CCDC15: variants seen among roughly 807,000 people sequenced by gnomAD.
The protein encoded by CCDC15 is coiled-coil domain-containing protein 15.
CCDC15 carries 105 observed loss-of-function variants against 114.5 expected under a neutral mutation model. The observed-to-expected ratio is 0.92, with a 90% CI of 0.78 to 1.08. CCDC15 has a LOEUF of 1.08. Ranked by LOEUF, CCDC15 falls within the 50% of genes least tolerant of loss-of-function variation. The pLI is 0.00. For missense variants in CCDC15, 1,105 were observed against 1,093.6 expected (o/e 1.01, Z -0.15); for synonymous variants, 334 against 377.8 (o/e 0.88, Z 1.34).
In CCDC15 at chr11:125,040,607, C is replaced by T; in HGVS notation, c.2752C>T (p.His918Tyr). 3 of 1,609,804 alleles carry T rather than the reference C, an allele frequency of 1.9e-6. No individual in the cohort carries two copies. The highest frequency in any genetic ancestry group is 2.5e-6 in the Non-Finnish European group (3 of 1,177,748). Residue 918 changes from histidine (H) to tyrosine (Y), a missense_variant, in exon 16 of 16, where the codon CAT becomes TAT. His to Tyr is a moderately conservative substitution (Grantham distance 83). Coordinates refer to ENST00000344762, the MANE Select transcript of CCDC15 (RefSeq NM_025004.3). ...KNHRAYTRAL[H>Y]SFINSCDVPG... ...TTTTGCAGCATATACTCGGGCACTA[C>T]ATTCATTCATCAATTCCTGTGATGT...
chr11:125,037,170 T>G (rs888031924), intron 13 of CCDC15, among the ~76,000 whole-genome samples: 3 of 151,632 alleles, frequency 2.0e-5, no homozygotes, highest in African/African-American at 7.3e-5. Flanking sequence ...TGGTATACAG[T>G]CAAGTTCATT....
Position 124,960,053 on chromosome 11 carries a change from C to T in CCDC15, c.516+50C>T, listed in dbSNP as rs1007035879. The stretch of plus-strand genomic sequence containing the variant: ...ATGTCTATGATATTTTCCCTATCCC[C>T]TAAACTATAAATATGACATCTAGGG... On this transcript the variant is annotated intron_variant, in intron 4 of 15. Coordinates refer to ENST00000344762, the MANE Select transcript of CCDC15 (RefSeq NM_025004.3). 5.7e-6 allele frequency: 8 copies of T among 1,405,608 alleles called. No individual in the cohort carries two copies. In the East Asian group the frequency reaches 7.5e-5, roughly 13 times the overall value. The allele number at this position is 1,405,608 out of a possible 1,614,324, so 87.1% of individuals were successfully genotyped here. A position where few individuals can be genotyped will look rare whatever the true frequency, so the allele number is the denominator to read the frequency against.
intron 8 of CCDC15, among the ~76,000 whole-genome samples, chr11:124,989,504 C>A (rs113138674): frequency 2.0e-5 from 3 of 152,226 alleles, no homozygotes; most frequent in Admixed American, 2.0e-4. Flanking sequence ...AGAGAGTCAG[C>A]CTGTCCTTTG....
At chr11:124,985,651 G>A (rs1019324311) in intron 6 of CCDC15, among the ~76,000 whole-genome samples, 1 of 151,566 alleles carries the variant, frequency 6.6e-6, no homozygotes, top group East Asian at 1.9e-4. Context: ...TGTCATGCAT[G>A]TGCTTTACCC....
chr11:125,030,045 C>T (rs553497152), intron 13 of CCDC15, among the ~76,000 whole-genome samples: 7 of 152,254 alleles, frequency 4.6e-5, no homozygotes, highest in Non-Finnish European at 8.8e-5. Context: ...TATTGTGCCT[C>T]CTGGTGGCAG....
chr11:125,035,509 A>G lies in CCDC15; in HGVS notation c.2412-2922A>G, dbSNP rs950771568. ...TTTCTTGCAGGCAAGGAATTGTTGG[A>G]TCTTATTTTGTAACCTATTCAGCCA... On this transcript the variant is annotated intron_variant, in intron 13 of 15. Coordinates refer to ENST00000344762, the MANE Select transcript of CCDC15 (RefSeq NM_025004.3). Among the ~76,000 whole-genome samples, 14 of 150,766 alleles carry G rather than the reference A, an allele frequency of 9.3e-5. 1 individual carries two copies. Among genetic ancestry groups the G allele is most frequent in the African/African-American group, 2.9e-4 (12 of 41,234 alleles).
At chr11:124,963,512 G>A (rs974372153) in intron 4 of CCDC15, among the ~76,000 whole-genome samples, 1 of 152,166 alleles carries the variant, frequency 6.6e-6, no homozygotes, top group African/African-American at 2.4e-5. Context: ...TTGTAAATTT[G>A]TGTAAGTTCT....
intron 13 of CCDC15, among the ~76,000 whole-genome samples, chr11:125,010,561 A>G (rs1288974407): frequency 6.6e-6 from 1 of 152,046 alleles, no homozygotes; most frequent in East Asian, 1.9e-4. Flanking sequence ...GGGTTTCACC[A>G]TGTGGGCCAG....
intron 13 of CCDC15, among the ~76,000 whole-genome samples, chr11:125,021,356 T>A (rs1475368448): frequency 6.6e-6 from 1 of 151,904 alleles, no homozygotes; most frequent in Non-Finnish European, 1.5e-5. Context: ...CTCAACCTTT[T>A]CTTCATTATT....
rs573149840 is a variant in CCDC15, at chr11:125,038,577, A to C, written c.2558A>C (p.Lys853Thr). ...CAAGAAATAAAAGGAACCAGAGAAA[A>C]ACAACAGAGAGAAAAAGAATACCTG... ...QLQEIKGTREKQQREKEYLRY... is the reference protein window; with the variant it reads ...QLQEIKGTRETQQREKEYLRY... Residue 853 changes from lysine (K) to threonine (T), a missense_variant, in exon 14 of 16, where the codon AAA becomes ACA. By Grantham distance (78) the Lys-to-Thr change is moderately conservative. Transcript: ENST00000344762. 5.1e-6 allele frequency: 8 copies of C among 1,571,622 alleles called. No individual in the cohort carries two copies. In the South Asian group the frequency reaches 9.6e-5, roughly 19 times the overall value.
intron 13 of CCDC15, among the ~76,000 whole-genome samples, chr11:125,033,400 C>G (rs538739494): frequency 6.6e-6 from 1 of 152,292 alleles, no homozygotes; most frequent in African/African-American, 2.4e-5. Context: ...GCCCTGCCAT[C>G]TCGGGATCCA....
At chr11:124,964,589 G>A (rs550398905) in intron 4 of CCDC15, among the ~76,000 whole-genome samples, 200 of 152,270 alleles carry the variant, frequency 1.3e-3, no homozygotes, top group African/African-American at 4.6e-3. Context: ...TCTGCAAACA[G>A]GGACAATTTG....
At position 124,959,348 on chromosome 11, in the gene CCDC15, C is replaced by T. The variant is rs1225261910; in HGVS notation, c.327+84C>T. ...AAGCTATTAGGCAGTAACAGAATTG[C>T]TTTCCTTTGATTACATGCCTAATAT... On this transcript the variant is annotated intron_variant, in intron 3 of 15. Transcript: ENST00000344762. 4.2e-6 allele frequency: 5 copies of T among 1,194,922 alleles called. No individual in the cohort carries two copies. In the East Asian group the frequency reaches 1.4e-4, roughly 33 times the overall value. The allele number at this position is 1,194,922 out of a possible 1,614,324, so 74.0% of individuals were successfully genotyped here.
At chr11:124,971,109 T>G (rs1319523859) in intron 4 of CCDC15, among the ~76,000 whole-genome samples, 1 of 152,162 alleles carries the variant, frequency 6.6e-6, no homozygotes, top group Admixed American at 6.5e-5. Flanking sequence ...GCAGTATTCC[T>G]TAGAAGGCAC....
At chr11:125,010,023 G>A (rs1948579125) in intron 13 of CCDC15, among the ~76,000 whole-genome samples, 1 of 152,124 alleles carries the variant, frequency 6.6e-6, no homozygotes, top group South Asian at 2.1e-4. Context: ...GGGATTGCTA[G>A]GTCAAATGGT....
intron 4 of CCDC15, among the ~76,000 whole-genome samples, chr11:124,967,086 A>G (rs113266252): frequency 0.053 from 8,064 of 151,910 alleles, 242 homozygotes; most frequent in Middle Eastern, 0.082. Context: ...CTTCATTTCA[A>G]CCTTGGTGAA....
rs992270038 is a variant in CCDC15, at chr11:124,992,700, A to G, written c.2139+13A>G. The G allele has an allele frequency of 1.4e-6, 2 of 1,404,004 alleles. No homozygotes were observed. Among genetic ancestry groups the G allele is most frequent in the Non-Finnish European group, 2.0e-6 (2 of 1,005,542 alleles). The allele number at this position is 1,404,004 out of a possible 1,614,324, so 87.0% of individuals were successfully genotyped here. On this transcript the variant is annotated intron_variant, in intron 10 of 15. Coordinates refer to ENST00000344762, the MANE Select transcript of CCDC15 (RefSeq NM_025004.3). The stretch of plus-strand genomic sequence containing the variant: ...CCCTAGAGAACAGGTAGAACCGAAT[A>G]CAGTAGGAGGACTGTATACCTTCTA...
intron 15 of CCDC15, 74 bp downstream of exon 15, chr11:125,039,143 T>A: frequency 2.9e-6 from 4 of 1,370,960 alleles, no homozygotes; most frequent in Non-Finnish European, 3.9e-6. Flanking sequence ...TAATAGTAAT[T>A]TACCATTTAT....
At chr11:124,980,926 C>T (rs991637385) in intron 6 of CCDC15, among the ~76,000 whole-genome samples, 1 of 152,170 alleles carries the variant, frequency 6.6e-6, no homozygotes, top group Admixed American at 6.5e-5. Context: ...CTTAACACTG[C>T]TTTGGCTGTG....
Sources: allele counts gnomAD v4.1 joint callset (sites outside exome capture counted in the v4.1 genomes callset), GRCh38; gene constraint gnomAD v4.1.1; transcripts MANE v1.5; gene names NCBI Gene and HGNC (gene_info 2026-07-23, HGNC 2026-07-21).